The following NTAQ1 variants were observed in gnomAD, a reference collection of about 807,000 sequenced individuals.
The protein encoded by NTAQ1 is protein N-terminal glutamine amidohydrolase.
NTAQ1 carries 21 observed loss-of-function variants against 28.2 expected under a neutral mutation model. The observed-to-expected ratio is 0.74, with a 90% CI of 0.53 to 1.07. NTAQ1 has a LOEUF of 1.07. NTAQ1 is among the 50% of genes least tolerant of loss of function. The probability of loss-of-function intolerance (pLI) is 0.00; values close to 1 mark genes in which losing one functional copy is unlikely to be tolerated. For synonymous variants in NTAQ1, 105 were observed against 90.0 expected, an observed-to-expected ratio of 1.17 and a Z score of -0.94; for missense variants, 264 against 256.6, an observed-to-expected ratio of 1.03 and a Z score of -0.20.
intron 6 of NTAQ1, among the ~76,000 whole-genome samples, chr8:123,455,892 T>G (rs116023817): frequency 0.013 from 1,947 of 152,254 alleles, 39 homozygotes; most frequent in African/African-American, 0.043. Context: ...CTTTCCAAAG[T>G]GGTGGCTGGT....
downstream of NTAQ1, among the ~76,000 whole-genome samples, chr8:123,443,871 C>A (rs974408495): frequency 6.6e-6 from 1 of 152,158 alleles, no homozygotes; most frequent in African/African-American, 2.4e-5. Context: ...CTGCGCCTGG[C>A]CTGCGGTTCC....
chr8:123,459,384 C>T lies in NTAQ1; in HGVS notation c.373-7695C>T, dbSNP rs568852329. Among the ~76,000 whole-genome samples, 37 of 152,282 alleles carry T rather than the reference C, an allele frequency of 2.4e-4. No individual in the cohort carries two copies. In the East Asian group the frequency reaches 6.4e-3, roughly 26 times the overall value. Reference sequence around the variant, plus strand: ...ATGGACGTGTTCTGCTATCCGGAAGCTCTCTGAACCCCATAGTTCAGTACT... The same window carrying T: ...ATGGACGTGTTCTGCTATCCGGAAGTTCTCTGAACCCCATAGTTCAGTACT... On this transcript the variant is annotated intron_variant, in intron 6 of 6. Coordinates refer to the NTAQ1 transcript ENST00000650311.
Position 123,455,881 on chromosome 8 carries a change from C to T in NTAQ1, c.373-11198C>T, listed in dbSNP as rs77964056. ...TTTAGTAAGTGGGTAAACTTTAGCA[C>T]CTTTCCAAAGTGGTGGCTGGTGTGG... On this transcript the variant is annotated intron_variant, in intron 6 of 6. Transcript: ENST00000650311. 8.3e-4 allele frequency among the ~76,000 whole-genome samples: 127 copies of T among 152,250 alleles called. No homozygotes were observed. In the East Asian group the frequency reaches 0.023, roughly 27 times the overall value.
downstream of NTAQ1, among the ~76,000 whole-genome samples, chr8:123,452,970 A>C (rs1485869241): frequency 2.0e-5 from 3 of 152,204 alleles, no homozygotes; most frequent in African/African-American, 7.2e-5. Context: ...GCAGAACTTC[A>C]CTTAGAGTCA....
chr8:123,449,021 C>A (rs1363998076), downstream of NTAQ1, among the ~76,000 whole-genome samples: 2 of 152,180 alleles, frequency 1.3e-5, no homozygotes, highest in Non-Finnish European at 2.9e-5. Context: ...TGCCACGGTG[C>A]ACCCTTACCT....
At chr8:123,424,456 C>T (rs1311161720) in intron 1 of NTAQ1, among the ~76,000 whole-genome samples, 1 of 152,082 alleles carries the variant, frequency 6.6e-6, no homozygotes, top group East Asian at 1.9e-4. Context: ...GTTGGCCAGG[C>T]TGGTCTTGAA....
chr8:123,444,052 TTTC>T (rs1357828970), downstream of NTAQ1, among the ~76,000 whole-genome samples: 6 of 150,762 alleles, frequency 4.0e-5, no homozygotes, highest in African/African-American at 1.5e-4. Flanking sequence ...ATTTAAACTT[TTTC>T]TTTTTTTTTT....
At chr8:123,437,990 G>T in intron 5 of NTAQ1, 1 of 577,416 alleles carries the variant, frequency 1.7e-6, no homozygotes, top group African/African-American at 1.9e-5. Context: ...CCATGGTAGG[G>T]TTTTGTGCTG....
Position 123,430,049 on chromosome 8 carries a change from CA to C in NTAQ1, c.234+17del. On this transcript the variant is annotated intron_variant, in intron 3 of 5. Transcript: ENST00000287387. ...TGTGATCTGGGTAAGACAGTTAATA[CA>C]GAGAGTATTGACGCATTATGACTTG... 1.2e-6 allele frequency: 2 copies of C among 1,608,730 alleles called. No homozygotes were observed. The highest frequency in any genetic ancestry group is 1.7e-6 in the Non-Finnish European group (2 of 1,176,060).
chr8:123,432,416 G>T (rs930419260), intron 3 of NTAQ1, among the ~76,000 whole-genome samples: 1 of 152,042 alleles, frequency 6.6e-6, no homozygotes, highest in African/African-American at 2.4e-5. Flanking sequence ...GAGGCAGGCA[G>T]ATCCCATGAG....
intron 1 of NTAQ1, among the ~76,000 whole-genome samples, chr8:123,422,983 T>C (rs1349740743): frequency 6.6e-6 from 1 of 152,206 alleles, no homozygotes; most frequent in African/African-American, 2.4e-5. Context: ...TTCTGGGTTC[T>C]CTAACCTGTT....
intron 3 of NTAQ1, 96 bp from the exon 4 acceptor site, chr8:123,436,357 G>C: frequency 1.6e-6 from 2 of 1,228,068 alleles, no homozygotes; most frequent in Non-Finnish European, 2.3e-6. Context: ...GGCTGTAGCA[G>C]TCCTATATCC....
intron 3 of NTAQ1, among the ~76,000 whole-genome samples, chr8:123,430,752 G>C (rs1277022466): frequency 6.6e-6 from 1 of 152,182 alleles, no homozygotes; most frequent in Non-Finnish European, 1.5e-5. Flanking sequence ...CTGTACTCCA[G>C]CTTGGGTGAC....
intron 6 of NTAQ1, among the ~76,000 whole-genome samples, chr8:123,459,287 T>A (rs1275373795): frequency 1.3e-5 from 2 of 151,366 alleles, no homozygotes; most frequent in African/African-American, 4.9e-5. Flanking sequence ...GATGAAGAGA[T>A]CAGGTGTGGA....
At chr8:123,466,580 C>T (rs1484215632) in intron 6 of NTAQ1, among the ~76,000 whole-genome samples, 2 of 152,206 alleles carry the variant, frequency 1.3e-5, no homozygotes, top group African/African-American at 2.4e-5. Flanking sequence ...TTGAAAGTGA[C>T]ACAGCAGGCA....
chr8:123,432,421 C>A (rs1486544913), intron 3 of NTAQ1, among the ~76,000 whole-genome samples: 1 of 152,040 alleles, frequency 6.6e-6, no homozygotes, highest in Non-Finnish European at 1.5e-5. Context: ...AGGCAGATCC[C>A]ATGAGGTCAG....
chr8:123,456,266 TTA>T (rs745430744), intron 6 of NTAQ1, among the ~76,000 whole-genome samples: 1 of 152,302 alleles, frequency 6.6e-6, no homozygotes, highest in Non-Finnish European at 1.5e-5. Flanking sequence ...TTGAGAGAAC[TTA>T]TATATTGCAA....
At chr8:123,446,153 G>A (rs1030496875), downstream of NTAQ1, among the ~76,000 whole-genome samples, 1 of 151,578 alleles carries the variant, frequency 6.6e-6, no homozygotes, top group African/African-American at 2.4e-5. Context: ...TACCACACCT[G>A]GCTAATTTTG....
In NTAQ1 at chr8:123,439,345, G is replaced by GTT. The variant is rs34111480; in HGVS notation, c.509-1947_509-1946dup. On this transcript the variant is annotated intron_variant, in intron 5 of 5. Coordinates refer to ENST00000287387, the MANE Select transcript of NTAQ1 (RefSeq NM_018024.3). ...AGGCATACACCATCACACCTGGCTA[G>GTT]TTTTTTTTTTTTTTTGAGACGGAGT... Among the ~76,000 whole-genome samples, 72 of 139,398 alleles carry GTT rather than the reference G, an allele frequency of 5.2e-4. 2 individuals are homozygous for GTT. The highest frequency in any genetic ancestry group is 6.9e-4 in the South Asian group (3 of 4,340). The allele number at this position is 139,398 out of a possible 152,430, so 91.5% of individuals were successfully genotyped here.
Sources: allele counts gnomAD v4.1 joint callset (sites outside exome capture counted in the v4.1 genomes callset), GRCh38; gene constraint gnomAD v4.1.1; transcripts MANE v1.5; gene names NCBI Gene and HGNC (gene_info 2026-07-23, HGNC 2026-07-21).